The following CFAP95 variants were observed in gnomAD, a reference collection of about 807,000 sequenced individuals.
The protein encoded by CFAP95 is cilia and flagella associated protein 95.
chr9:69,874,953 T>G, the CFAP95 span, among the ~76,000 whole-genome samples: 1 of 152,192 alleles, frequency 6.6e-6, no homozygotes, highest in African/African-American at 2.4e-5. Context: ...GGGATCTGTT[T>G]GTAAACCAGG....
At chr9:69,852,755 G>C in the CFAP95 span, among the ~76,000 whole-genome samples, 2 of 152,164 alleles carry the variant, frequency 1.3e-5, no homozygotes, top group Non-Finnish European at 2.9e-5. Context: ...CTCCTATAAC[G>C]TGGGAAGGAC....
At chr9:69,904,809 A>G in the CFAP95 span, among the ~76,000 whole-genome samples, 1 of 152,216 alleles carries the variant, frequency 6.6e-6, no homozygotes, top group Non-Finnish European at 1.5e-5. Flanking sequence ...CAAAAGCCCA[A>G]ACTACACAGA....
chr9:69,876,295 G>A, the CFAP95 span, among the ~76,000 whole-genome samples: 3 of 152,180 alleles, frequency 2.0e-5, no homozygotes, highest in Non-Finnish European at 4.4e-5. Context: ...CATTTTGGGA[G>A]ACCAAGGCAG....
the CFAP95 span, among the ~76,000 whole-genome samples, chr9:69,888,601 C>T: frequency 1.3e-5 from 2 of 152,112 alleles, no homozygotes; most frequent in Non-Finnish European, 2.9e-5. Flanking sequence ...TGAGGCTAGG[C>T]AGGGTGGCTC....
chr9:69,895,242 A>G, the CFAP95 span, among the ~76,000 whole-genome samples: 1 of 152,198 alleles, frequency 6.6e-6, no homozygotes, highest in Admixed American at 6.5e-5. Flanking sequence ...TTTTCTGGAA[A>G]AAAAGGAATT....
At chr9:69,881,357 G>T in the CFAP95 span, among the ~76,000 whole-genome samples, 2 of 152,134 alleles carry the variant, frequency 1.3e-5, no homozygotes, top group Non-Finnish European at 1.5e-5. Flanking sequence ...TGAGAGATAG[G>T]GGTCTAGTTT....
chr9:69,892,103 T>C, the CFAP95 span, among the ~76,000 whole-genome samples: 63 of 152,360 alleles, frequency 4.1e-4, no homozygotes, highest in East Asian at 0.011. Flanking sequence ...ACATAAAATA[T>C]ACATGATATA....
At chr9:69,856,782 A>C in the CFAP95 span, 4 of 610,408 alleles carry the variant, frequency 6.6e-6, no homozygotes, top group Non-Finnish European at 5.7e-6. Context: ...GGAACATATC[A>C]AGCACATTTG....
chr9:69,863,072 G>A, the CFAP95 span, among the ~76,000 whole-genome samples: 1 of 152,160 alleles, frequency 6.6e-6, no homozygotes, highest in African/African-American at 2.4e-5. Flanking sequence ...TGATATCAAA[G>A]ACTTAAACTT....
the CFAP95 span, among the ~76,000 whole-genome samples, chr9:69,865,465 T>G: frequency 6.6e-6 from 1 of 152,150 alleles, no homozygotes; most frequent in African/African-American, 2.4e-5. Context: ...TGGCCAGCTT[T>G]CTTCTTTTGG....
chr9:69,839,940 G>A, the CFAP95 span, among the ~76,000 whole-genome samples: 3 of 151,422 alleles, frequency 2.0e-5, no homozygotes, highest in Non-Finnish European at 4.4e-5. Context: ...AGCTGGGCAC[G>A]GTGGCGTGTG....
At chr9:69,830,573 C>T in the CFAP95 span, among the ~76,000 whole-genome samples, 1 of 152,200 alleles carries the variant, frequency 6.6e-6, no homozygotes, top group Non-Finnish European at 1.5e-5. Flanking sequence ...GGGCAGAAAA[C>T]AGAAATCTTG....
the CFAP95 span, among the ~76,000 whole-genome samples, chr9:69,887,991 C>T: frequency 6.6e-6 from 1 of 152,122 alleles, no homozygotes; most frequent in Non-Finnish European, 1.5e-5. Context: ...GAAATTGAAG[C>T]CATTATCTGT....
chr9:69,873,267 G>A, the CFAP95 span, among the ~76,000 whole-genome samples: 1 of 152,148 alleles, frequency 6.6e-6, no homozygotes, highest in Non-Finnish European at 1.5e-5. Context: ...ACTCTAGCTA[G>A]GGTGACGGAG....
chr9:69,864,838 A>G, the CFAP95 span, among the ~76,000 whole-genome samples: 8 of 152,180 alleles, frequency 5.3e-5, no homozygotes, highest in African/African-American at 1.7e-4. Context: ...CAGGACATTT[A>G]TTTTGTTTTC....
chr9:69,833,296 T>C, the CFAP95 span, among the ~76,000 whole-genome samples: 1 of 152,210 alleles, frequency 6.6e-6, no homozygotes, highest in African/African-American at 2.4e-5. Context: ...AGTCGTTACA[T>C]AATATTTTCA....
the CFAP95 span, among the ~76,000 whole-genome samples, chr9:69,831,250 T>C: frequency 2.6e-5 from 4 of 152,182 alleles, no homozygotes; most frequent in Admixed American, 1.3e-4. Context: ...TTTAGCCTCC[T>C]TTTATAGACA....
the CFAP95 span, among the ~76,000 whole-genome samples, chr9:69,892,062 C>T: frequency 2.6e-5 from 4 of 152,052 alleles, no homozygotes; most frequent in African/African-American, 7.2e-5. Flanking sequence ...AAATGACATC[C>T]GCATTTTTTT....
chr9:69,880,046 C>T, the CFAP95 span, among the ~76,000 whole-genome samples: 1 of 88,032 alleles, frequency 1.1e-5, no homozygotes, highest in South Asian at 4.1e-4. Context: ...TTATAGAATA[C>T]ATGAGATTTT....
Sources: gnomAD v4.1 joint callset for allele counts (sites outside exome capture counted in the v4.1 genomes callset) on GRCh38, gnomAD v4.1.1 for gene constraint, MANE v1.5 for transcripts, NCBI Gene and HGNC (gene_info 2026-07-23, HGNC 2026-07-21) for gene names.